CALN1: variants seen among roughly 807,000 people sequenced by gnomAD.
The protein encoded by CALN1 is calcium-binding protein 8.
Under a neutral mutation model 30.6 loss-of-function variants are expected in CALN1, and 17 were observed. That is an observed-to-expected ratio of 0.56 (90% CI 0.38 to 0.83). CALN1 has a LOEUF of 0.83. Ranked by LOEUF, CALN1 falls within the 40% of genes least tolerant of loss-of-function variation. The pLI is 0.00. For synonymous variants in CALN1, 156 were observed against 131.4 expected (o/e 1.19, Z -1.28); for missense variants, 291 against 354.9 (o/e 0.82, Z 1.45).
At chr7:71,892,663 T>C (rs531470344) in intron 5 of CALN1, among the ~76,000 whole-genome samples, 2 of 152,348 alleles carry the variant, frequency 1.3e-5, no homozygotes, top group South Asian at 4.1e-4. Flanking sequence ...TTATTATAGA[T>C]ATTTTTCCTG....
At chr7:71,804,328 G>A (rs1444657487) in intron 6 of CALN1, among the ~76,000 whole-genome samples, 2 of 152,058 alleles carry the variant, frequency 1.3e-5, no homozygotes, top group Non-Finnish European at 2.9e-5. Context: ...GGGTGACACA[G>A]CAAGACCCTG....
chr7:72,318,559 G>C (rs1321503836), intron 2 of CALN1, among the ~76,000 whole-genome samples: 11 of 152,082 alleles, frequency 7.2e-5, no homozygotes, highest in Non-Finnish European at 1.3e-4. Flanking sequence ...TTTTTCTTTT[G>C]AGATGGTGTC....
intron 3 of CALN1, among the ~76,000 whole-genome samples, chr7:72,209,198 C>T (rs200445413): frequency 2.7e-5 from 2 of 74,138 alleles, no homozygotes; most frequent in East Asian, 6.0e-4. Context: ...CTTTCCTTCC[C>T]TCCTTCCCTC....
At chr7:72,034,245 T>C (rs1267620523) in intron 4 of CALN1, among the ~76,000 whole-genome samples, 2 of 147,784 alleles carry the variant, frequency 1.4e-5, no homozygotes, top group African/African-American at 2.5e-5. Context: ...TCCCAGCTAC[T>C]GGGGAGGCTG....
chr7:72,152,457 GAA>G (rs1242791948), intron 3 of CALN1, among the ~76,000 whole-genome samples: 2 of 152,176 alleles, frequency 1.3e-5, no homozygotes, highest in Non-Finnish European at 2.9e-5. Context: ...AGCAACACAT[GAA>G]AGAGATCTTT....
At chr7:72,328,237 T>G (rs577266292) in intron 2 of CALN1, among the ~76,000 whole-genome samples, 15 of 152,328 alleles carry the variant, frequency 9.8e-5, no homozygotes, top group African/African-American at 3.6e-4. Flanking sequence ...AAATCTCACC[T>G]TGAATTGCAA....
intron 3 of CALN1, among the ~76,000 whole-genome samples, chr7:72,189,117 A>G (rs1034227725): frequency 1.3e-5 from 2 of 152,168 alleles, no homozygotes; most frequent in African/African-American, 4.8e-5. Flanking sequence ...CCGCAAAATT[A>G]TCCAGGTTAA....
At chr7:71,929,273 C>T (rs1795428714) in intron 5 of CALN1, among the ~76,000 whole-genome samples, 1 of 152,150 alleles carries the variant, frequency 6.6e-6, no homozygotes, top group Admixed American at 6.5e-5. Context: ...TGATGCCCTC[C>T]CTCCTCCCAC....
intron 2 of CALN1, among the ~76,000 whole-genome samples, chr7:72,402,152 A>G (rs1585669441): frequency 6.6e-6 from 1 of 152,184 alleles, no homozygotes; most frequent in East Asian, 1.9e-4. Context: ...CTCAGAGGCT[A>G]AGAGAGTGGC....
At chr7:71,930,417 G>A (rs1441503160) in intron 5 of CALN1, among the ~76,000 whole-genome samples, 1 of 151,646 alleles carries the variant, frequency 6.6e-6, no homozygotes, top group Non-Finnish European at 1.5e-5. Context: ...CTTTCTGTAT[G>A]TTGTCTTTCT....
intron 5 of CALN1, among the ~76,000 whole-genome samples, chr7:71,859,506 C>A (rs1044907231): frequency 6.6e-6 from 1 of 152,214 alleles, no homozygotes; most frequent in Non-Finnish European, 1.5e-5. Flanking sequence ...TCTCCTTCAA[C>A]CTCCAGTTGA....
intron 3 of CALN1, among the ~76,000 whole-genome samples, chr7:72,122,254 G>A (rs1341360687): frequency 6.6e-6 from 1 of 152,090 alleles, no homozygotes; most frequent in Admixed American, 6.5e-5. Context: ...TTAATATACG[G>A]AGATTAGAGA....
chr7:72,173,898 CA>C (rs144610802), intron 3 of CALN1, among the ~76,000 whole-genome samples: 1 of 151,508 alleles, frequency 6.6e-6, no homozygotes, highest in African/African-American at 2.4e-5. Context: ...AGATAGCACA[CA>C]AAAAGTATGA....
chr7:72,282,486 C>G (rs1435746375), intron 2 of CALN1, among the ~76,000 whole-genome samples: 1 of 152,146 alleles, frequency 6.6e-6, no homozygotes, highest in African/African-American at 2.4e-5. Flanking sequence ...TCCATGAGGG[C>G]TCCTCCCTCA....
chr7:72,271,681 C>T (rs540964047), intron 3 of CALN1, among the ~76,000 whole-genome samples: 7 of 148,244 alleles, frequency 4.7e-5, no homozygotes, highest in South Asian at 2.2e-4. Context: ...ATCTAGGTAA[C>T]GACATGGGTA....
At chr7:72,204,671 A>G (rs1325487101) in intron 3 of CALN1, among the ~76,000 whole-genome samples, 2 of 152,176 alleles carry the variant, frequency 1.3e-5, no homozygotes, top group African/African-American at 4.8e-5. Flanking sequence ...GGGAATCACA[A>G]CAGTACTTAA....
intron 2 of CALN1, among the ~76,000 whole-genome samples, chr7:72,392,404 G>C (rs1805631758): frequency 6.6e-6 from 1 of 152,170 alleles, no homozygotes; most frequent in Non-Finnish European, 1.5e-5. Context: ...GAGACAAAAA[G>C]TTCAGGAAGA....
At position 71,785,018 on chromosome 7, in the gene CALN1, C is replaced by T. The variant is rs962727454; in HGVS notation, c.*2757G>A. 3.3e-5 allele frequency: 13 copies of T among 395,612 alleles called. No homozygotes were observed. The highest frequency in any genetic ancestry group is 4.4e-5 in the Admixed American group (1 of 22,638). 24.5% of individuals were successfully genotyped at this position (395,612 alleles called of 1,614,324 possible). A position where few individuals can be genotyped will look rare whatever the true frequency, so the allele number is the denominator to read the frequency against. ...GCAAAGCAGCCAGGGTGCAAGTCAC[C>T]GGGACAAACTCTGAGCTCCTGAAGT... On this transcript the variant is annotated 3_prime_UTR_variant, in exon 7 of 7. Transcript: ENST00000395275.
At chr7:72,014,811 C>T (rs903467479) in intron 5 of CALN1, among the ~76,000 whole-genome samples, 1 of 151,820 alleles carries the variant, frequency 6.6e-6, no homozygotes, top group Non-Finnish European at 1.5e-5. Context: ...ACAGGCATGT[C>T]CCACCATGTC....
Sources: gnomAD v4.1 joint callset for allele counts (sites outside exome capture counted in the v4.1 genomes callset) on GRCh38, gnomAD v4.1.1 for gene constraint, MANE v1.5 for transcripts, NCBI Gene and HGNC (gene_info 2026-07-23, HGNC 2026-07-21) for gene names.